The following MCC variants were observed in gnomAD, a reference collection of about 807,000 sequenced individuals.
MCC encodes colorectal mutant cancer protein.
In MCC, 90 loss-of-function variants were observed where a neutral mutation model predicts 116.2. The ratio of observed to expected loss-of-function variants is 0.77; its 90% CI spans 0.65 to 0.92. MCC has a LOEUF of 0.92. MCC is among the 40% of genes least tolerant of loss of function. MCC has a pLI of 0.00. For missense variants in MCC, 1,516 were observed against 1,312.2 expected (o/e 1.16, Z -2.40); for synonymous variants, 578 against 510.5 (o/e 1.13, Z -1.78).
At chr5:113,383,236 C>A (rs193021164) in intron 2 of MCC, among the ~76,000 whole-genome samples, 1 of 152,056 alleles carries the variant, frequency 6.6e-6, no homozygotes, top group African/African-American at 2.4e-5. Context: ...TTGGGGTGTT[C>A]CACAATGTAC....
chr5:113,291,001 A>C (rs1001542461), intron 3 of MCC, among the ~76,000 whole-genome samples: 3 of 152,240 alleles, frequency 2.0e-5, no homozygotes, highest in African/African-American at 4.8e-5. Context: ...TTGCTTTCAA[A>C]AAAGCGTTCA....
At chr5:113,070,440 T>A (rs1753958440) in intron 12 of MCC, among the ~76,000 whole-genome samples, 1 of 152,004 alleles carries the variant, frequency 6.6e-6, no homozygotes. Context: ...TGCTCACCAA[T>A]GAGTGAACTG....
At chr5:113,158,999 G>T (rs981862349) in intron 3 of MCC, among the ~76,000 whole-genome samples, 2 of 152,124 alleles carry the variant, frequency 1.3e-5, no homozygotes, top group African/African-American at 4.8e-5. Flanking sequence ...GAAGACATGG[G>T]AGAAGCAGGG....
At chr5:113,108,331 TAAAAAAAAAAA>T (rs56780207) in intron 6 of MCC, among the ~76,000 whole-genome samples, 7 of 42,726 alleles carry the variant, frequency 1.6e-4, no homozygotes, top group African/African-American at 3.0e-4. Flanking sequence ...CACTCTATCT[TAAAAAAAAAAA>T]AAAAAAAAAA....
chr5:113,147,846 C>T (rs972285437), intron 4 of MCC, among the ~76,000 whole-genome samples: 6 of 152,262 alleles, frequency 3.9e-5, no homozygotes, highest in African/African-American at 1.4e-4. Flanking sequence ...CCGACTACAT[C>T]TCAGAAAAGT....
At chr5:113,036,327 C>G (rs768299980) in intron 17 of MCC, among the ~76,000 whole-genome samples, 1 of 152,068 alleles carries the variant, frequency 6.6e-6, no homozygotes, top group Non-Finnish European at 1.5e-5. Flanking sequence ...CGTGAGCCAC[C>G]GCGCCTGGCC....
chr5:113,038,010 A>G (rs970457374), intron 17 of MCC, among the ~76,000 whole-genome samples: 3 of 152,196 alleles, frequency 2.0e-5, no homozygotes, highest in Non-Finnish European at 1.5e-5. Context: ...GGCAGAATCA[A>G]ACTACAGAAT....
At chr5:113,124,648 G>C (rs936007274) in intron 5 of MCC, among the ~76,000 whole-genome samples, 4 of 152,212 alleles carry the variant, frequency 2.6e-5, no homozygotes, top group Non-Finnish European at 2.9e-5. Flanking sequence ...GCAGTGAATT[G>C]GGAAAGTATG....
intron 3 of MCC, among the ~76,000 whole-genome samples, chr5:113,313,758 A>T (rs1048452541): frequency 4.0e-5 from 6 of 150,480 alleles, no homozygotes; most frequent in Non-Finnish European, 8.9e-5. Context: ...TCCCAGGGAG[A>T]CCTGTATAAT....
At chr5:113,282,798 C>T (rs918860730) in intron 3 of MCC, among the ~76,000 whole-genome samples, 2 of 152,150 alleles carry the variant, frequency 1.3e-5, no homozygotes, top group African/African-American at 2.4e-5. Flanking sequence ...GGTTTAATCA[C>T]GATTAGAGTC....
At chr5:113,072,431 A>G (rs1479235858) in intron 11 of MCC, among the ~76,000 whole-genome samples, 1 of 152,124 alleles carries the variant, frequency 6.6e-6, no homozygotes, top group Non-Finnish European at 1.5e-5. Context: ...TCACTTTTCA[A>G]CTTGCTCCAG....
chr5:113,098,716 G>A (rs758616657), intron 8 of MCC, among the ~76,000 whole-genome samples: 3 of 152,136 alleles, frequency 2.0e-5, no homozygotes, highest in Non-Finnish European at 4.4e-5. Context: ...CCTACAGAGA[G>A]CACTTTGCTT....
At chr5:113,355,005 G>A (rs1768377073) in intron 2 of MCC, among the ~76,000 whole-genome samples, 1 of 151,928 alleles carries the variant, frequency 6.6e-6, no homozygotes, top group Admixed American at 6.6e-5. Context: ...ATAGATATGT[G>A]TATGCAGATG....
rs151183145 is a variant in MCC, at chr5:113,046,685, CAAAAAAA to C, written c.2655+2401_2655+2407del. On this transcript the variant is annotated intron_variant, in intron 16 of 18. Coordinates refer to ENST00000408903, the MANE Select transcript of MCC (RefSeq NM_001085377.2). ...ACTGACTGCTAACAAACTCAAAAGGCAAAAAAAAAAAAAAAAAAAAAAAAAAGAGAGA... is the reference window on the plus strand; with the variant it reads ...ACTGACTGCTAACAAACTCAAAAGGCAAAAAAAAAAAAAAAAAAAGAGAGA... Among the ~76,000 whole-genome samples, 219 of 58,386 alleles carry C rather than the reference CAAAAAAA, an allele frequency of 3.8e-3. 11 individuals carry two copies. Among genetic ancestry groups the C allele is most frequent in the African/African-American group, 0.013 (189 of 14,070 alleles). The allele number at this position is 58,386 out of a possible 152,430, so 38.3% of individuals were successfully genotyped here.
intron 1 of MCC, among the ~76,000 whole-genome samples, chr5:113,465,357 T>TA (rs1771872710): frequency 6.6e-6 from 1 of 152,098 alleles, no homozygotes; most frequent in Non-Finnish European, 1.5e-5. Flanking sequence ...TATCATGTGC[T>TA]AAAAATTCAT....
At chr5:113,407,042 A>G (rs886642997) in intron 1 of MCC, among the ~76,000 whole-genome samples, 1 of 152,236 alleles carries the variant, frequency 6.6e-6, no homozygotes, top group African/African-American at 2.4e-5. Context: ...GGGCAACATA[A>G]GAAGTGCTTA....
chr5:113,238,502 AAACT>A (rs1764234817), intron 3 of MCC, among the ~76,000 whole-genome samples: 1 of 152,202 alleles, frequency 6.6e-6, no homozygotes, highest in Admixed American at 6.5e-5. Context: ...CTTTTAAAAC[AAACT>A]AACAAAAAAA....
intron 1 of MCC, among the ~76,000 whole-genome samples, chr5:113,460,006 G>C (rs1771702182): frequency 6.6e-6 from 1 of 152,236 alleles, no homozygotes; most frequent in South Asian, 2.1e-4. Flanking sequence ...TTCAGTGAAA[G>C]CTGAGAAAAA....
intron 3 of MCC, among the ~76,000 whole-genome samples, chr5:113,273,477 G>T (rs1265668821): frequency 1.3e-5 from 2 of 152,082 alleles, no homozygotes; most frequent in East Asian, 3.8e-4. Flanking sequence ...GACTTTTTTG[G>T]TATTGGGTTA....
Sources: allele counts gnomAD v4.1 joint callset (sites outside exome capture counted in the v4.1 genomes callset), GRCh38; gene constraint gnomAD v4.1.1; transcripts MANE v1.5; gene names NCBI Gene and HGNC (gene_info 2026-07-23, HGNC 2026-07-21).